The following ABCB1 variants were observed in gnomAD, a reference collection of about 807,000 sequenced individuals.
The protein encoded by ABCB1 is ATP binding cassette subfamily B member 1, also known as ATP-dependent translocase ABCB1.
ABCB1 carries 69 observed loss-of-function variants against 142.0 expected under a neutral mutation model. That is an observed-to-expected ratio of 0.49 (90% CI 0.40 to 0.59). The LOEUF (loss-of-function observed/expected upper bound fraction) is 0.59. Among genes scored for constraint, ABCB1 ranks in the 20% least tolerant of loss-of-function variants. The pLI is 0.00. For missense variants in ABCB1, 1,326 were observed against 1,554.7 expected (o/e 0.85, Z 2.47); for synonymous variants, 532 against 539.2 (o/e 0.99, Z 0.18).
At chr7:87,507,447 T>G (rs1242490282) in intron 26 of ABCB1, among the ~76,000 whole-genome samples, 1 of 152,222 alleles carries the variant, frequency 6.6e-6, no homozygotes, top group African/African-American at 2.4e-5. Context: ...GATCCGTGTC[T>G]ATACTTGAGA....
rs750187241 is a variant in ABCB1 at position 87,520,884 on chromosome 7, A to G, written c.2686-8T>C. The G allele has an allele frequency of 1.2e-6, 2 of 1,610,216 alleles. No individual in the cohort carries two copies. The highest frequency in any genetic ancestry group is 1.7e-6 in the Non-Finnish European group (2 of 1,176,544). ...TATTGCTTCAGTAGCGATCTGTAACAGACAGCACCGATCACCAAGAGGCAC... is the reference window on the plus strand; with the variant it reads ...TATTGCTTCAGTAGCGATCTGTAACGGACAGCACCGATCACCAAGAGGCAC... On this transcript the variant is annotated splice_region_variant and splice_polypyrimidine_tract_variant and intron_variant, in intron 21 of 27. Coordinates refer to ENST00000622132, the MANE Select transcript of ABCB1 (RefSeq NM_001348946.2).
chr7:87,626,455 ATG>A lies in ABCB1; in HGVS notation c.-330-25379_-330-25378del, dbSNP rs1320122165. ...TATGTGTCATATATGTGTCATATAT[ATG>A]TGTCATATATGTGTCATATATATGT... On this transcript the variant is annotated intron_variant, in intron 1 of 28. Coordinates refer to the ABCB1 transcript ENST00000265724. Among the ~76,000 whole-genome samples the A allele has an allele frequency of 1.1e-4, 2 of 17,904 alleles. 1 individual carries two copies. Among genetic ancestry groups the A allele is most frequent in the African/African-American group, 1.7e-3 (2 of 1,192 alleles). The allele number at this position is 17,904 out of a possible 152,430, so 11.7% of individuals were successfully genotyped here. A position where few individuals can be genotyped will look rare whatever the true frequency, so the allele number is the denominator to read the frequency against.
intron 4 of ABCB1, among the ~76,000 whole-genome samples, chr7:87,573,762 T>C (rs191899250): frequency 6.6e-6 from 1 of 152,254 alleles, no homozygotes; most frequent in East Asian, 1.9e-4. Context: ...TACCAGATAT[T>C]TCCTTTACCC....
At chr7:87,674,010 A>G (rs906809056) in intron 1 of ABCB1, among the ~76,000 whole-genome samples, 5 of 152,158 alleles carry the variant, frequency 3.3e-5, no homozygotes, top group South Asian at 4.1e-4. Context: ...GCTGTGTGCT[A>G]TAACTCTGGG....
chr7:87,545,981 G>A lies in ABCB1; in HGVS notation c.1769C>T (p.Ser590Phe), dbSNP rs966775931. The change falls in exon 15 of 28, where the codon TCT (serine) becomes TTT (phenylalanine). Residue 590 changes from serine (S) to phenylalanine (F), a missense_variant. Physicochemically the swap from Ser to Phe is radical, Grantham distance 155 (BLOSUM62 -2). Transcript: ENST00000622132. The stretch of plus-strand genomic sequence containing the variant: ...GATGACGTCAGCATTACGAACTGTA[G>A]ACAAACGATGAGCTATCACAATGGT... ...RTTIVIAHRL[S>F]TVRNADVIAG... 1.2e-6 allele frequency: 2 copies of A among 1,613,998 alleles called. No homozygotes were observed. Among genetic ancestry groups the A allele is most frequent in the African/African-American group, 2.7e-5 (2 of 74,916 alleles).
At chr7:87,667,046 T>C (rs1294929085) in intron 1 of ABCB1, among the ~76,000 whole-genome samples, 1 of 152,222 alleles carries the variant, frequency 6.6e-6, no homozygotes, top group Admixed American at 6.5e-5. Context: ...GGTAGTTTGA[T>C]AGGAATAGCA....
chr7:87,619,971 G>A (rs1051320584), intron 1 of ABCB1, among the ~76,000 whole-genome samples: 3 of 152,064 alleles, frequency 2.0e-5, no homozygotes, highest in Non-Finnish European at 4.4e-5. Flanking sequence ...TCCTCTTAAA[G>A]ATTACTTGTG....
At chr7:87,565,130 A>G (rs1344891450) in intron 7 of ABCB1, among the ~76,000 whole-genome samples, 1 of 152,238 alleles carries the variant, frequency 6.6e-6, no homozygotes, top group African/African-American at 2.4e-5. Context: ...AATGCTCAAT[A>G]AATGATAATT....
At chr7:87,673,003 C>T (rs1456594928) in intron 1 of ABCB1, among the ~76,000 whole-genome samples, 2 of 152,162 alleles carry the variant, frequency 1.3e-5, no homozygotes, top group African/African-American at 4.8e-5. Context: ...CTGACTACTC[C>T]CCTGGAATTC....
At chr7:87,557,171 T>C (rs1369912749) in intron 8 of ABCB1, among the ~76,000 whole-genome samples, 1 of 152,228 alleles carries the variant, frequency 6.6e-6, no homozygotes, top group African/African-American at 2.4e-5. Flanking sequence ...GACGATTCCT[T>C]ATATTTCTTC....
At chr7:87,674,330 C>G (rs1826114799) in intron 1 of ABCB1, among the ~76,000 whole-genome samples, 1 of 152,098 alleles carries the variant, frequency 6.6e-6, no homozygotes, top group South Asian at 2.1e-4. Context: ...TGCATGCTCT[C>G]TTGCTGCTAT....
At chr7:87,571,519 T>A (rs1364505708) in intron 4 of ABCB1, among the ~76,000 whole-genome samples, 1 of 150,404 alleles carries the variant, frequency 6.6e-6, no homozygotes, top group Admixed American at 6.6e-5. Context: ...AGCAAATACT[T>A]ATGAGACTTA....
chr7:87,612,484 A>G (rs1440474238), intron 1 of ABCB1, among the ~76,000 whole-genome samples: 1 of 152,138 alleles, frequency 6.6e-6, no homozygotes, highest in African/African-American at 2.4e-5. Context: ...ACATGTGACT[A>G]TCCAATTTTC....
At chr7:87,620,153 CT>C (rs1047914068) in intron 1 of ABCB1, among the ~76,000 whole-genome samples, 3 of 151,032 alleles carry the variant, frequency 2.0e-5, no homozygotes, top group South Asian at 2.1e-4. Flanking sequence ...TTTTTCTTTT[CT>C]TTTTTTTTCT....
At chr7:87,646,137 T>A (rs1193205480) in intron 1 of ABCB1, among the ~76,000 whole-genome samples, 1 of 152,168 alleles carries the variant, frequency 6.6e-6, no homozygotes, top group African/African-American at 2.4e-5. Context: ...ATATTTGACA[T>A]TTTATGTTTT....
chr7:87,519,075 A>T, intron 23 of ABCB1: 2 of 548,004 alleles, frequency 3.6e-6, no homozygotes, highest in Non-Finnish European at 6.5e-6. Context: ...GAATGGAATC[A>T]CTCCACTCAG....
Position 87,545,934 on chromosome 7 carries a change from T to C in ABCB1, c.1816A>G (p.Ile606Val). ...DVIAGFDDGV[I>V]VEKGNHDELM... ...TCATCATGATTTCCTTTCTCCACAA[T>C]GACTCCATCATCGAAACCAGCGATG... Residue 606 changes from isoleucine (I) to valine (V), a missense_variant, in exon 15 of 28, where the codon ATT becomes GTT. Physicochemically the swap from Ile to Val is conservative, Grantham distance 29 (BLOSUM62 3). Coordinates refer to ENST00000622132, the MANE Select transcript of ABCB1 (RefSeq NM_001348946.2). 6.2e-7 allele frequency: 1 copy of C among 1,614,194 alleles called. No homozygotes were observed. The highest frequency in any genetic ancestry group is 8.5e-7 in the Non-Finnish European group (1 of 1,180,022).
intron 1 of ABCB1, among the ~76,000 whole-genome samples, chr7:87,661,164 G>T (rs564341227): frequency 1.3e-5 from 2 of 151,538 alleles, no homozygotes; most frequent in South Asian, 4.2e-4. Context: ...ATATTATGGG[G>T]TACATGAGAT....
intron 1 of ABCB1, among the ~76,000 whole-genome samples, chr7:87,677,694 A>G (rs562116145): frequency 3.9e-5 from 6 of 152,334 alleles, no homozygotes; most frequent in African/African-American, 1.4e-4. Flanking sequence ...AAAAAACCCA[A>G]CAAAACCTCA....
Sources: allele counts gnomAD v4.1 joint callset (sites outside exome capture counted in the v4.1 genomes callset), GRCh38; gene constraint gnomAD v4.1.1; transcripts MANE v1.5; gene names NCBI Gene and HGNC (gene_info 2026-07-23, HGNC 2026-07-21).